LRRC37A2: variants seen among roughly 807,000 people sequenced by gnomAD.
The protein encoded by LRRC37A2 is leucine rich repeat containing 37 member A2.
A neutral mutation model predicts 68.8 loss-of-function variants in LRRC37A2; 9 were observed. The ratio of observed to expected loss-of-function variants is 0.13; its 90% CI spans 0.08 to 0.23. LRRC37A2 has a LOEUF of 0.23. Ranked by LOEUF, LRRC37A2 falls within the 10% of genes least tolerant of loss-of-function variation. LRRC37A2 has a pLI of 1.00. For missense variants in LRRC37A2, 168 were observed against 950.4 expected (o/e 0.18, Z 10.82); for synonymous variants, 63 against 367.6 (o/e 0.17, Z 9.48).
chr17:46,924,771 A>C, the LRRC37A2 span, among the ~76,000 whole-genome samples: 3 of 152,216 alleles, frequency 2.0e-5, no homozygotes, highest in African/African-American at 7.2e-5. Flanking sequence ...CTAGTCTGTG[A>C]GTAATTTAGA....
chr17:46,881,877 A>T, the LRRC37A2 span, among the ~76,000 whole-genome samples: 1 of 152,238 alleles, frequency 6.6e-6, no homozygotes, highest in Non-Finnish European at 1.5e-5. Flanking sequence ...TAAGGACAAG[A>T]ACATTCTCCA....
At chr17:46,769,638 G>T in the LRRC37A2 span, 1 of 1,042,052 alleles carries the variant, frequency 9.6e-7, no homozygotes, top group Non-Finnish European at 1.4e-6. Flanking sequence ...GCTGTGGGGT[G>T]GGGAGGAGGC....
At chr17:47,043,042 C>G in the LRRC37A2 span, among the ~76,000 whole-genome samples, 1 of 150,612 alleles carries the variant, frequency 6.6e-6, no homozygotes, top group South Asian at 2.1e-4. Flanking sequence ...ATTTGCTGAT[C>G]ACAAATACCT....
chr17:46,528,714 G>C (rs1449082605), intron 6 of LRRC37A2: 1 of 655,636 alleles, frequency 1.5e-6, no homozygotes, highest in Non-Finnish European at 2.7e-6. Context: ...AACAGAGTGA[G>C]ACTTCATCTC....
At chr17:46,823,104 AACAC>A in the LRRC37A2 span, among the ~76,000 whole-genome samples, 2 of 129,590 alleles carry the variant, frequency 1.5e-5, no homozygotes, top group Admixed American at 8.5e-5. Flanking sequence ...TTATATAATA[AACAC>A]ATATATTATA....
At chr17:46,384,259 G>C in the LRRC37A2 span, among the ~76,000 whole-genome samples, 2 of 22,060 alleles carry the variant, frequency 9.1e-5, no homozygotes, top group Middle Eastern at 0.071. Flanking sequence ...CGAATTCTGG[G>C]AACAACTTAA....
the LRRC37A2 span, among the ~76,000 whole-genome samples, chr17:46,767,773 G>GTTTT: frequency 2.8e-3 from 415 of 150,556 alleles, 4 homozygotes; most frequent in African/African-American, 9.5e-3. Context: ...ACTGAATTTT[G>GTTTT]TTTTTTTTTG....
At chr17:47,022,122 AT>A in the LRRC37A2 span, among the ~76,000 whole-genome samples, 1 of 124,430 alleles carries the variant, frequency 8.0e-6, no homozygotes, top group Non-Finnish European at 1.8e-5. Context: ...ATTTAAATTT[AT>A]TTTTTATCAT....
chr17:46,935,050 A>G, the LRRC37A2 span: 6 of 1,612,790 alleles, frequency 3.7e-6, no homozygotes, highest in Admixed American at 3.3e-5. Flanking sequence ...CACCATACCA[A>G]TGGACGAATC....
chr17:46,964,073 A>C, the LRRC37A2 span: 1 of 152,174 alleles, frequency 6.6e-6, no homozygotes, highest in Non-Finnish European at 1.5e-5. Flanking sequence ...TCAGCCTCCC[A>C]AAGTGCCGGG....
the LRRC37A2 span, among the ~76,000 whole-genome samples, chr17:46,713,637 A>G: frequency 6.6e-6 from 1 of 152,236 alleles, no homozygotes; most frequent in East Asian, 1.9e-4. Flanking sequence ...GTCAGGAGGC[A>G]TGTATTTCAC....
the LRRC37A2 span, among the ~76,000 whole-genome samples, chr17:46,770,330 C>G: frequency 6.6e-6 from 1 of 152,232 alleles, no homozygotes; most frequent in Admixed American, 6.5e-5. Context: ...GAAACAGGCG[C>G]CGACACCAAA....
chr17:46,771,078 A>C, the LRRC37A2 span, among the ~76,000 whole-genome samples: 1 of 152,132 alleles, frequency 6.6e-6, no homozygotes, highest in Admixed American at 6.5e-5. Flanking sequence ...CTGTGGGCCG[A>C]GTGCTGCAAG....
the LRRC37A2 span, among the ~76,000 whole-genome samples, chr17:47,038,311 C>T: frequency 1.4e-3 from 209 of 151,952 alleles, no homozygotes; most frequent in African/African-American, 4.6e-3. Flanking sequence ...GAAAAATGAA[C>T]AGTAAAAAAA....
chr17:46,787,211 G>A, the LRRC37A2 span, among the ~76,000 whole-genome samples: 1 of 149,476 alleles, frequency 6.7e-6, no homozygotes, highest in African/African-American at 2.5e-5. Context: ...CAAGTGCTGG[G>A]ATTACAGGTG....
the LRRC37A2 span, among the ~76,000 whole-genome samples, chr17:46,723,195 CAT>C: frequency 2.0e-5 from 3 of 152,184 alleles, no homozygotes; most frequent in African/African-American, 4.8e-5. Flanking sequence ...GAAGGAAAAA[CAT>C]AGAACTACTG....
At chr17:46,377,620 AGTGCAGTGGT>A in the LRRC37A2 span, among the ~76,000 whole-genome samples, 1 of 58,192 alleles carries the variant, frequency 1.7e-5, no homozygotes, top group Admixed American at 1.5e-4. Flanking sequence ...CCCAGGCTGG[AGTGCAGTGGT>A]GTTATCTTGG....
At chr17:46,418,203 GTGTGTGTGTGTT>G in the LRRC37A2 span, among the ~76,000 whole-genome samples, 1 of 50,940 alleles carries the variant, frequency 2.0e-5, no homozygotes, top group African/African-American at 3.7e-5. Context: ...TTGTGTGTGT[GTGTGTGTGTGTT>G]TGTGTGTGTG....
At chr17:46,820,072 C>T in the LRRC37A2 span, among the ~76,000 whole-genome samples, 1 of 152,226 alleles carries the variant, frequency 6.6e-6, no homozygotes, top group African/African-American at 2.4e-5. Flanking sequence ...GGGCGTTCCA[C>T]GAGGTGAGGG....
Sources: gnomAD v4.1 joint callset for allele counts (sites outside exome capture counted in the v4.1 genomes callset) on GRCh38, gnomAD v4.1.1 for gene constraint, MANE v1.5 for transcripts, NCBI Gene and HGNC (gene_info 2026-07-23, HGNC 2026-07-21) for gene names.